PHACTR3: variants seen among roughly 807,000 people sequenced by gnomAD.
The protein encoded by PHACTR3 is protein phosphatase 1, regulatory subunit 123.
In PHACTR3, 16 loss-of-function variants were observed where a neutral mutation model predicts 66.8. The ratio of observed to expected loss-of-function variants is 0.24; its 90% CI spans 0.16 to 0.36. The LOEUF (loss-of-function observed/expected upper bound fraction) is 0.36, where lower values mean the gene tolerates loss of function less well. Ranked by LOEUF, PHACTR3 falls within the 10% of genes least tolerant of loss-of-function variation. The pLI, the probability that PHACTR3 is intolerant of heterozygous loss-of-function variation, is 1.00. For synonymous variants in PHACTR3, 323 were observed against 292.1 expected (o/e 1.11, Z -1.08); for missense variants, 647 against 719.9 (o/e 0.90, Z 1.16).
chr20:59,655,601 T>G lies in PHACTR3; in HGVS notation c.118+50469T>G, dbSNP rs2146461302. Among the ~76,000 whole-genome samples the G allele has an allele frequency of 1.3e-5, 2 of 152,080 alleles. 1 individual carries two copies. Among genetic ancestry groups the G allele is most frequent in the Middle Eastern group, 6.8e-3 (2 of 294 alleles). The stretch of plus-strand genomic sequence containing the variant: ...TTTATTGATCCTTCAAAGAACCAAC[T>G]CTTTATTTTATTGATTTTCTCTGTT... On this transcript the variant is annotated intron_variant, in intron 1 of 12. Coordinates refer to ENST00000371015, the MANE Select transcript of PHACTR3 (RefSeq NM_080672.5).
intron 7 of PHACTR3, among the ~76,000 whole-genome samples, chr20:59,786,098 CCCT>C (rs2040905644): frequency 6.6e-6 from 1 of 152,248 alleles, no homozygotes; most frequent in African/African-American, 2.4e-5. Flanking sequence ...TTTGCCAGCT[CCCT>C]CCTCAACTGA....
intron 11 of PHACTR3, chr20:59,844,419 C>A (rs2065576688): frequency 1.3e-5 from 2 of 152,028 alleles, no homozygotes; most frequent in African/African-American, 2.4e-5. Flanking sequence ...AAGTGTCCAT[C>A]AATAGATTAA....
intron 1 of PHACTR3, among the ~76,000 whole-genome samples, chr20:59,701,823 A>G (rs1478430670): frequency 6.6e-6 from 1 of 152,260 alleles, no homozygotes; most frequent in East Asian, 1.9e-4. Context: ...TCACCATTAC[A>G]GTATCATAGA....
intron 4 of PHACTR3, among the ~76,000 whole-genome samples, chr20:59,761,946 A>T (rs1276095460): frequency 6.6e-6 from 1 of 152,244 alleles, no homozygotes; most frequent in Non-Finnish European, 1.5e-5. Context: ...TCCACTTTTT[A>T]AAAAATTGAT....
intron 1 of PHACTR3, among the ~76,000 whole-genome samples, chr20:59,686,192 G>A (rs1431927619): frequency 2.0e-5 from 3 of 152,140 alleles, no homozygotes; most frequent in Non-Finnish European, 4.4e-5. Flanking sequence ...CATTTTGTTG[G>A]TTATTGAATG....
chr20:59,601,221 G>A (rs1055066624), upstream of PHACTR3, among the ~76,000 whole-genome samples: 8 of 152,156 alleles, frequency 5.3e-5, no homozygotes, highest in African/African-American at 1.7e-4. Flanking sequence ...CATGTGGCAC[G>A]TGGCCTTCTG....
At chr20:59,659,821 C>T (rs1037580819) in intron 1 of PHACTR3, among the ~76,000 whole-genome samples, 1 of 152,160 alleles carries the variant, frequency 6.6e-6, no homozygotes, top group African/African-American at 2.4e-5. Flanking sequence ...TACTAGCTTT[C>T]TGAACCTTGG....
intron 8 of PHACTR3, 200 bp from the exon 9 acceptor site, chr20:59,836,305 G>A (rs926967276): frequency 7.1e-6 from 4 of 561,532 alleles, no homozygotes; most frequent in African/African-American, 3.9e-5. Flanking sequence ...GCTCTGTGAC[G>A]GGAGAGCTTT....
At chr20:59,812,011 G>A (rs978673423) in intron 8 of PHACTR3, among the ~76,000 whole-genome samples, 5 of 152,228 alleles carry the variant, frequency 3.3e-5, no homozygotes, top group Non-Finnish European at 5.9e-5. Context: ...ACTCCTGGGC[G>A]AGCTGTCACC....
chr20:59,706,809 C>T (rs1030367086), intron 1 of PHACTR3, among the ~76,000 whole-genome samples: 2 of 152,206 alleles, frequency 1.3e-5, no homozygotes, highest in African/African-American at 4.8e-5. Flanking sequence ...GAAACCATGC[C>T]CAGCCTGGTT....
Position 59,840,445 on chromosome 20 carries a change from T to G in PHACTR3, c.1446+15T>G, listed in dbSNP as rs755043711. 1 of 1,612,898 alleles carries G rather than the reference T, an allele frequency of 6.2e-7. No homozygotes were observed. The highest frequency in any genetic ancestry group is 8.5e-7 in the Non-Finnish European group (1 of 1,179,392). On this transcript the variant is annotated intron_variant, in intron 10 of 12. Transcript: ENST00000371015. Reference sequence around the variant, plus strand: ...TGACAAGAAAGGTAGTATAAGCATTTTATTGCCTGAATAATAAAAGGTGGT... The same window carrying G: ...TGACAAGAAAGGTAGTATAAGCATTGTATTGCCTGAATAATAAAAGGTGGT...
At chr20:59,781,356 C>T (rs907361647) in intron 7 of PHACTR3, among the ~76,000 whole-genome samples, 19 of 152,228 alleles carry the variant, frequency 1.2e-4, no homozygotes, top group African/African-American at 3.1e-4. Context: ...ATGAGCCACC[C>T]GTCCCAGACC....
chr20:59,764,283 T>G (rs948087817), intron 4 of PHACTR3, among the ~76,000 whole-genome samples: 1 of 150,778 alleles, frequency 6.6e-6, no homozygotes, highest in South Asian at 2.1e-4. Context: ...AGGCTGCCCT[T>G]CCTCCCTGGT....
At chr20:59,597,418 G>T (rs2033356535) in intron 1 of PHACTR3, among the ~76,000 whole-genome samples, 1 of 152,168 alleles carries the variant, frequency 6.6e-6, no homozygotes, top group African/African-American at 2.4e-5. Flanking sequence ...TCCTGCCTGT[G>T]TGAGTTGGGG....
At chr20:59,660,494 A>AAAACAAAC (rs1412803485) in intron 1 of PHACTR3, among the ~76,000 whole-genome samples, 3 of 152,236 alleles carry the variant, frequency 2.0e-5, no homozygotes, top group Non-Finnish European at 4.4e-5. Flanking sequence ...TCCGTCTCAA[A>AAAACAAAC]AAACAAACAA....
intron 7 of PHACTR3, among the ~76,000 whole-genome samples, chr20:59,775,620 GC>G (rs2040511507): frequency 6.6e-6 from 1 of 152,152 alleles, no homozygotes; most frequent in Non-Finnish European, 1.5e-5. Context: ...TTTGGAGGAG[GC>G]TGACTGCCAC....
At chr20:59,595,080 A>G (rs2033286264) in intron 1 of PHACTR3, among the ~76,000 whole-genome samples, 1 of 152,308 alleles carries the variant, frequency 6.6e-6, no homozygotes, top group Non-Finnish European at 1.5e-5. Context: ...CAATCTCCAC[A>G]TTTTGAGATT....
At position 59,822,530 on chromosome 20, in the gene PHACTR3, A is replaced by G. The variant is rs1044088357; in HGVS notation, c.1329-13975A>G. On this transcript the variant is annotated intron_variant, in intron 8 of 12. Coordinates refer to ENST00000371015, the MANE Select transcript of PHACTR3 (RefSeq NM_080672.5). ...AGTGCAGAGTGACCGTGTTCCACTC[A>G]GGTGGCTTCCAGCATCCCCTCCTGG... Among the ~76,000 whole-genome samples the G allele has an allele frequency of 7.2e-5, 11 of 151,854 alleles. 1 individual carries two copies. The highest frequency in any genetic ancestry group is 2.7e-4 in the African/African-American group (11 of 41,442).
intron 3 of PHACTR3, among the ~76,000 whole-genome samples, chr20:59,754,107 T>C (rs1164931811): frequency 5.3e-5 from 8 of 152,360 alleles, no homozygotes; most frequent in African/African-American, 1.9e-4. Context: ...TGCATGGGGC[T>C]GTAACGTGCA....
Sources: gnomAD v4.1 joint callset for allele counts (sites outside exome capture counted in the v4.1 genomes callset) on GRCh38, gnomAD v4.1.1 for gene constraint, MANE v1.5 for transcripts, NCBI Gene and HGNC (gene_info 2026-07-23, HGNC 2026-07-21) for gene names.